SLC37A2: variants seen among roughly 807,000 people sequenced by gnomAD.
SLC37A2 encodes glucose-6-phosphate exchanger SLC37A2.
In SLC37A2, 59 loss-of-function variants were observed where a neutral mutation model predicts 70.7. That is an observed-to-expected ratio of 0.83 (90% CI 0.68 to 1.04). SLC37A2 has a LOEUF of 1.04. SLC37A2 is among the 50% of genes least tolerant of loss of function. The probability of loss-of-function intolerance (pLI) is 0.00; values close to 1 mark genes in which losing one functional copy is unlikely to be tolerated. For missense variants in SLC37A2, 580 were observed against 658.1 expected (o/e 0.88, Z 1.30); for synonymous variants, 257 against 262.1 (o/e 0.98, Z 0.19).
intron 17 of SLC37A2, 148 bp downstream of exon 17, chr11:125,086,166 G>A (rs1949213034): frequency 6.3e-7 from 1 of 1,593,654 alleles, no homozygotes. Context: ...CCCTCACCCT[G>A]CTAACCTGTC....
intron 17 of SLC37A2, 122 bp from the exon 18 acceptor site, chr11:125,087,997 G>C: frequency 9.3e-7 from 1 of 1,079,618 alleles, no homozygotes; most frequent in Non-Finnish European, 1.4e-6. Context: ...CCTCATTACA[G>C]AGAACTGAGA....
intron 16 of SLC37A2, 107 bp downstream of exon 16, chr11:125,085,781 G>A: frequency 7.5e-7 from 1 of 1,335,354 alleles, no homozygotes; most frequent in Non-Finnish European, 1.1e-6. Context: ...GGGGCAATGA[G>A]AGCAGCTGCC....
At chr11:125,071,353 C>G (rs936427876) in intron 1 of SLC37A2, among the ~76,000 whole-genome samples, 2 of 152,180 alleles carry the variant, frequency 1.3e-5, no homozygotes, top group African/African-American at 4.8e-5. Flanking sequence ...TCTTCTGAGC[C>G]CCACCAACAC....
In SLC37A2 at chr11:125,080,555, G is replaced by A; in HGVS notation, c.528-59G>A. On this transcript the variant is annotated intron_variant, in intron 6 of 17. Transcript: ENST00000403796. The surrounding 1 kb of genome is among the most constrained non-coding windows in gnomAD (Gnocchi z 4.3). ...AGAGCTTGGCTGGGGCAGTTGCTAT[G>A]AACAATGTGCTTTGCTTTTTACTTT... is the stretch of plus-strand genomic sequence containing the variant. 1.4e-6 allele frequency: 2 copies of A among 1,389,022 alleles called. No homozygotes were observed. The highest frequency in any genetic ancestry group is 1.9e-6 in the Non-Finnish European group (2 of 1,058,340). The allele number at this position is 1,389,022 out of a possible 1,614,324, so 86.0% of individuals were successfully genotyped here.
chr11:125,077,722 C>G (rs1364925282), intron 4 of SLC37A2, among the ~76,000 whole-genome samples, 194 bp downstream of exon 4: 1 of 152,216 alleles, frequency 6.6e-6, no homozygotes, highest in Non-Finnish European at 1.5e-5. Flanking sequence ...GGTAGCAGCT[C>G]TTTTGCCTGG....
intron 1 of SLC37A2, among the ~76,000 whole-genome samples, chr11:125,075,905 G>A (rs1949081325): frequency 6.6e-6 from 1 of 152,072 alleles, no homozygotes. Flanking sequence ...CTAACTCCTG[G>A]CCCCTTCTCC....
rs1251913016 is a variant in SLC37A2 at position 125,081,880 on chromosome 11, A to C, written c.859A>C (p.Ser287Arg). Residue 287 changes from serine to arginine, a missense_variant, in exon 9 of 18, where the codon AGC (serine) becomes CGC (arginine). By Grantham distance (110) the Ser-to-Arg change is moderately radical. Coordinates refer to ENST00000403796, the MANE Select transcript of SLC37A2 (RefSeq NM_001145290.2). ...GCCATGCGAAGAGCCTGCTGCCATC[A>C]GCTTCTTTGGGGCGCTCCGGATCCC... Reference protein sequence around the residue: ...KGPCEEPAAISFFGALRIPGV... With the variant: ...KGPCEEPAAIRFFGALRIPGV... The C allele has an allele frequency of 6.2e-7, 1 of 1,612,894 alleles. No individual in the cohort carries two copies. The highest frequency in any genetic ancestry group is 1.1e-5 in the South Asian group (1 of 90,970).
Position 125,083,755 on chromosome 11 carries a change from G to C in SLC37A2, c.977-60G>C, listed in dbSNP as rs1949174303. On this transcript the variant is annotated intron_variant, in intron 10 of 17. Coordinates refer to ENST00000403796, the MANE Select transcript of SLC37A2 (RefSeq NM_001145290.2). The surrounding 1 kb of genome is among the most constrained non-coding windows in gnomAD (Gnocchi z 4.6). ...CACGCTCTGCAGGGCTTCTAGCTGT[G>C]ACACTCCAGGATGTTTGCCCCAAAC... is the stretch of plus-strand genomic sequence containing the variant. 1.4e-6 allele frequency: 2 copies of C among 1,458,264 alleles called. No individual in the cohort carries two copies. The highest frequency in any genetic ancestry group is 1.9e-6 in the Non-Finnish European group (2 of 1,038,074). 90.3% of individuals were successfully genotyped at this position (1,458,264 alleles called of 1,614,324 possible).
chr11:125,080,380 G>A lies in SLC37A2; in HGVS notation c.528-234G>A, dbSNP rs541382943. 2.6e-5 allele frequency among the ~76,000 whole-genome samples: 4 copies of A among 152,266 alleles called. No individual in the cohort carries two copies. In the South Asian group the frequency reaches 6.2e-4, roughly 24 times the overall value. ...CCTCAGTGTGGCTAGAGCTCCCATCGGCACTCACTCAGGGAGCTGGGCAGG... is the reference window on the plus strand; with the variant it reads ...CCTCAGTGTGGCTAGAGCTCCCATCAGCACTCACTCAGGGAGCTGGGCAGG... On this transcript the variant is annotated intron_variant, in intron 6 of 17. Transcript: ENST00000403796. This position sits in a 1 kb window ranked among gnomAD's most constrained non-coding sequence, Gnocchi z 4.3.
intron 1 of SLC37A2, among the ~76,000 whole-genome samples, chr11:125,065,468 GT>G (rs1377750620): frequency 6.6e-6 from 1 of 152,118 alleles, no homozygotes; most frequent in Non-Finnish European, 1.5e-5. Flanking sequence ...TCTTCACCAG[GT>G]TTTACCTACT....
chr11:125,085,725 C>T lies in SLC37A2; in HGVS notation c.1425+51C>T, dbSNP rs745471408. The T allele has an allele frequency of 3.8e-6, 6 of 1,578,748 alleles. 1 individual carries two copies. ...GGTATTGAGGGATGCTCTGTCCTGC[C>T]AGACTGGAACCCTGGAGGTCCAAAG... On this transcript the variant is annotated intron_variant, in intron 16 of 17. Coordinates refer to ENST00000403796, the MANE Select transcript of SLC37A2 (RefSeq NM_001145290.2).
chr11:125,076,648 G>A (rs1188381957), intron 1 of SLC37A2, 109 bp from the exon 2 acceptor site: 17 of 970,206 alleles, frequency 1.8e-5, no homozygotes, highest in Non-Finnish European at 2.4e-5. Flanking sequence ...AAGAGTTGGT[G>A]GTCCTCAGGC....
At chr11:125,076,889 G>A (rs757410097) in intron 2 of SLC37A2, 51 bp downstream of exon 2, 24 of 1,577,042 alleles carry the variant, frequency 1.5e-5, no homozygotes, top group East Asian at 1.1e-4. Flanking sequence ...TGTCGTAACC[G>A]TCCTTACCCC....
In SLC37A2 at chr11:125,085,059, G is replaced by A. The variant is rs752174540; in HGVS notation, c.1175-7G>A. The A allele has an allele frequency of 6.2e-7, 1 of 1,613,930 alleles. No homozygotes were observed. The highest frequency in any genetic ancestry group is 1.1e-5 in the South Asian group (1 of 91,088). The stretch of plus-strand genomic sequence containing the variant: ...TTCTCTGACTGGCTGTCTCTATGCT[G>A]TCCCAGTGATGCTGATCATCTGTGG... On this transcript the variant is annotated splice_polypyrimidine_tract_variant and splice_region_variant and intron_variant, in intron 13 of 17. Coordinates refer to ENST00000403796, the MANE Select transcript of SLC37A2 (RefSeq NM_001145290.2).
In SLC37A2 at chr11:125,063,334, C is replaced by G. The variant is rs1565392192; in HGVS notation, c.-34C>G. ...CACGCGCCCAGCTCTGTAGCCTCCT[C>G]CGTCGACTCAGCCTTAGGTACCGGT... On this transcript the variant is annotated 5_prime_UTR_variant, in exon 1 of 18. Coordinates refer to ENST00000403796, the MANE Select transcript of SLC37A2 (RefSeq NM_001145290.2). The surrounding 1 kb of genome is among the most constrained non-coding windows in gnomAD (Gnocchi z 5.4). 1 of 1,590,714 alleles carries G rather than the reference C, an allele frequency of 6.3e-7. No individual in the cohort carries two copies. The highest frequency in any genetic ancestry group is 1.7e-5 in the Admixed American group (1 of 58,814).
At chr11:125,065,359 A>C (rs996105054) in intron 1 of SLC37A2, among the ~76,000 whole-genome samples, 2 of 152,232 alleles carry the variant, frequency 1.3e-5, no homozygotes, top group African/African-American at 4.8e-5. Flanking sequence ...TTAAGTTAAT[A>C]AACTTAGCTG....
intron 1 of SLC37A2, among the ~76,000 whole-genome samples, chr11:125,065,006 G>C (rs547368434): frequency 2.4e-4 from 37 of 152,340 alleles, no homozygotes; most frequent in African/African-American, 6.5e-4. Context: ...TCATTTATAG[G>C]TTAGGAATAT....
intron 10 of SLC37A2, 59 bp downstream of exon 10, chr11:125,082,393 G>T: frequency 1.4e-6 from 2 of 1,465,406 alleles, no homozygotes; most frequent in Non-Finnish European, 1.9e-6. Flanking sequence ...TGCCTCTGGT[G>T]GGAGAGGAAG....
chr11:125,076,520 G>A (rs1366076102), intron 1 of SLC37A2, among the ~76,000 whole-genome samples: 2 of 152,188 alleles, frequency 1.3e-5, no homozygotes, highest in East Asian at 3.9e-4. Flanking sequence ...GTGGGCTGGG[G>A]CCGAGCCGGC....
Sources: allele counts gnomAD v4.1 joint callset (sites outside exome capture counted in the v4.1 genomes callset), GRCh38; gene constraint gnomAD v4.1.1; non-coding constraint Gnocchi (gnomAD v3.1); transcripts MANE v1.5; gene names NCBI Gene and HGNC (gene_info 2026-07-23, HGNC 2026-07-21).